ADAM29: variants seen among roughly 807,000 people sequenced by gnomAD.
ADAM29 encodes disintegrin and metalloproteinase domain-containing protein 29.
For synonymous variants in ADAM29, 367 were observed against 342.3 expected, an observed-to-expected ratio of 1.07 and a Z score of -0.80; for missense variants, 969 against 1,001.8, an observed-to-expected ratio of 0.97 and a Z score of 0.44.
At chr4:174,949,711 C>T (rs530974601) in intron 4 of ADAM29, among the ~76,000 whole-genome samples, 273 of 152,166 alleles carry the variant, frequency 1.8e-3, no homozygotes, top group African/African-American at 6.3e-3. Flanking sequence ...CTGGCTGCAG[C>T]TAGTCAGCCA....
At chr4:174,975,116 C>A (rs1449428187) in intron 4 of ADAM29, among the ~76,000 whole-genome samples, 1 of 152,138 alleles carries the variant, frequency 6.6e-6, no homozygotes, top group African/African-American at 2.4e-5. Context: ...CGTTTATATT[C>A]AATAACTATC....
intron 4 of ADAM29, among the ~76,000 whole-genome samples, chr4:174,958,347 T>C (rs1745624794): frequency 6.6e-6 from 1 of 151,794 alleles, no homozygotes; most frequent in Non-Finnish European, 1.5e-5. Flanking sequence ...GTTAGGTACA[T>C]ACCAGTTAAG....
chr4:174,949,588 A>G (rs1745053482), intron 4 of ADAM29, among the ~76,000 whole-genome samples: 1 of 151,776 alleles, frequency 6.6e-6, no homozygotes, highest in African/African-American at 2.4e-5. Flanking sequence ...CTCCCCATTC[A>G]GCCCAGCATT....
intron 4 of ADAM29, among the ~76,000 whole-genome samples, chr4:174,957,495 C>CTTT (rs1745570226): frequency 1.3e-5 from 2 of 151,722 alleles, no homozygotes; most frequent in African/African-American, 4.8e-5. Flanking sequence ...ATTTCAGGGA[C>CTTT]AAACTGTTTA....
At chr4:174,949,170 G>T (rs563539506) in intron 4 of ADAM29, among the ~76,000 whole-genome samples, 1 of 152,240 alleles carries the variant, frequency 6.6e-6, no homozygotes, top group African/African-American at 2.4e-5. Flanking sequence ...CCCAGGAGAT[G>T]CCAGTAGATG....
chr4:174,967,743 C>T (rs1746232811), intron 4 of ADAM29, among the ~76,000 whole-genome samples: 1 of 152,170 alleles, frequency 6.6e-6, no homozygotes, highest in African/African-American at 2.4e-5. Flanking sequence ...GAATTAAGTC[C>T]TGTCATGAAA....
chr4:174,919,792 A>G (rs540821648), intron 1 of ADAM29, among the ~76,000 whole-genome samples: 1 of 152,152 alleles, frequency 6.6e-6, no homozygotes, highest in East Asian at 1.9e-4. Flanking sequence ...CAGCGGCAAA[A>G]CCCTTTCACC....
intron 2 of ADAM29, among the ~76,000 whole-genome samples, chr4:174,922,505 A>G (rs940856129): frequency 6.6e-6 from 1 of 152,050 alleles, no homozygotes; most frequent in African/African-American, 2.4e-5. Context: ...AAGCTTTTTG[A>G]TGAGGCTGAG....
At chr4:174,952,427 G>C (rs2111023087) in intron 4 of ADAM29, among the ~76,000 whole-genome samples, 1 of 151,810 alleles carries the variant, frequency 6.6e-6, no homozygotes, top group African/African-American at 2.4e-5. Flanking sequence ...CTTCCCAAAA[G>C]TAAAGGGAAT....
At chr4:174,948,022 C>T (rs973645621) in intron 4 of ADAM29, among the ~76,000 whole-genome samples, 17 of 152,156 alleles carry the variant, frequency 1.1e-4, no homozygotes, top group Non-Finnish European at 2.2e-4. Flanking sequence ...TGTATCAGAT[C>T]AGTTTAGTTA....
At chr4:174,924,867 G>T (rs1743406528) in intron 2 of ADAM29, among the ~76,000 whole-genome samples, 1 of 152,172 alleles carries the variant, frequency 6.6e-6, no homozygotes, top group African/African-American at 2.4e-5. Context: ...AGGCTACAGT[G>T]TGGACAATGG....
intron 4 of ADAM29, among the ~76,000 whole-genome samples, chr4:174,947,330 G>C (rs894544080): frequency 6.6e-6 from 1 of 152,006 alleles, no homozygotes; most frequent in Non-Finnish European, 1.5e-5. Context: ...AGTTCCTCTA[G>C]ATAACATGTT....
Position 174,978,017 on chromosome 4 carries a change from G to A in ADAM29, c.*29G>A. ...CAACCTCAGTTGATGCCTTCCCAGA[G>A]TCAACCTCCTGTGACGCCCTCCCAG... On this transcript the variant is annotated 3_prime_UTR_variant, in exon 5 of 5. Transcript: ENST00000359240. 2 of 1,603,540 alleles carry A rather than the reference G, an allele frequency of 1.2e-6. No homozygotes were observed. The highest frequency in any genetic ancestry group is 2.2e-5 in the South Asian group (2 of 90,130).
intron 3 of ADAM29, among the ~76,000 whole-genome samples, chr4:174,931,942 A>G (rs988186522): frequency 3.9e-5 from 6 of 152,138 alleles, no homozygotes; most frequent in African/African-American, 1.4e-4. Flanking sequence ...TTAAATTTTC[A>G]TATTTACTTT....
intron 2 of ADAM29, among the ~76,000 whole-genome samples, chr4:174,922,078 T>C (rs992102004): frequency 2.6e-5 from 4 of 152,176 alleles, no homozygotes; most frequent in African/African-American, 9.7e-5. Context: ...GAAGTGAATA[T>C]AAGTATCAAA....
At chr4:174,956,414 T>C (rs897025053) in intron 4 of ADAM29, among the ~76,000 whole-genome samples, 1 of 151,870 alleles carries the variant, frequency 6.6e-6, no homozygotes, top group African/African-American at 2.4e-5. Flanking sequence ...AGCTGTGGCA[T>C]ATAAGCCCTA....
intron 2 of ADAM29, among the ~76,000 whole-genome samples, chr4:174,928,569 T>TAAAAAAAAAAAAA (rs70947474): frequency 4.6e-5 from 6 of 131,806 alleles, no homozygotes; most frequent in Non-Finnish European, 7.9e-5. Context: ...GTCATGTGCT[T>TAAAAAAAAAAAAA]AAAAAAAAAA....
intron 4 of ADAM29, among the ~76,000 whole-genome samples, chr4:174,972,129 C>A (rs937022304): frequency 6.6e-6 from 1 of 152,100 alleles, no homozygotes; most frequent in Non-Finnish European, 1.5e-5. Context: ...ATCTTTATAT[C>A]ATATTTTGCA....
chr4:174,934,337 A>G (rs917252133), intron 3 of ADAM29, among the ~76,000 whole-genome samples: 2 of 152,144 alleles, frequency 1.3e-5, no homozygotes. Flanking sequence ...GATATAATGC[A>G]TATATCATAA....
Sources: allele counts gnomAD v4.1 joint callset (sites outside exome capture counted in the v4.1 genomes callset), GRCh38; gene constraint gnomAD v4.1.1; transcripts MANE v1.5; gene names NCBI Gene and HGNC (gene_info 2026-07-23, HGNC 2026-07-21).